Variants in KIFAP3 observed in about 807,000 individuals in gnomAD.
KIFAP3 encodes kinesin associated protein 3, also known as kinesin-associated protein 3.
A neutral mutation model predicts 106.5 loss-of-function variants in KIFAP3; 68 were observed. The observed-to-expected ratio is 0.64, with a 90% CI of 0.53 to 0.78. KIFAP3 has a LOEUF of 0.78. Ranked by LOEUF, KIFAP3 falls within the 30% of genes least tolerant of loss-of-function variation. KIFAP3 has a pLI of 0.00. For synonymous variants in KIFAP3, 320 were observed against 311.5 expected (o/e 1.03, Z -0.29); for missense variants, 780 against 941.8 (o/e 0.83, Z 2.25).
chr1:170,074,030 C>T (rs1478704681), intron 1 of KIFAP3, among the ~76,000 whole-genome samples: 5 of 152,092 alleles, frequency 3.3e-5, no homozygotes, highest in Admixed American at 3.3e-4. Context: ...GCAATGAACC[C>T]CAAACTGAGG....
chr1:170,057,024 C>A (rs937106947), intron 1 of KIFAP3, among the ~76,000 whole-genome samples: 3 of 152,012 alleles, frequency 2.0e-5, no homozygotes, highest in Non-Finnish European at 4.4e-5. Flanking sequence ...CTAAGGAAAG[C>A]TGAAAACAGA....
At chr1:170,043,296 C>G (rs900379810) in intron 3 of KIFAP3, among the ~76,000 whole-genome samples, 4 of 152,102 alleles carry the variant, frequency 2.6e-5, no homozygotes, top group African/African-American at 9.7e-5. Flanking sequence ...CCACTGCTCA[C>G]TATTAAACAA....
At chr1:169,964,425 TC>T (rs1320088776) in intron 17 of KIFAP3, among the ~76,000 whole-genome samples, 1 of 152,154 alleles carries the variant, frequency 6.6e-6, no homozygotes, top group African/African-American at 2.4e-5. Flanking sequence ...TGAACATTTG[TC>T]AGGGTTCCTG....
intron 19 of KIFAP3, among the ~76,000 whole-genome samples, chr1:169,947,565 A>G (rs1664505133): frequency 1.3e-5 from 2 of 152,032 alleles, no homozygotes; most frequent in East Asian, 3.9e-4. Flanking sequence ...ATATTTTTTT[A>G]ATATTATACT....
intron 1 of KIFAP3, among the ~76,000 whole-genome samples, chr1:170,070,229 CAA>C (rs1671638745): frequency 1.3e-5 from 2 of 152,156 alleles, no homozygotes; most frequent in South Asian, 4.1e-4. Context: ...CAATATTCCC[CAA>C]AGTGATCTAT....
intron 18 of KIFAP3, chr1:169,957,967 T>C (rs1332460463): frequency 6.6e-6 from 1 of 152,156 alleles, no homozygotes; most frequent in Non-Finnish European, 1.5e-5. Flanking sequence ...CTATTAATAA[T>C]TGGCCCAGGT....
At chr1:170,027,499 G>C (rs944899841) in intron 8 of KIFAP3, among the ~76,000 whole-genome samples, 3 of 152,100 alleles carry the variant, frequency 2.0e-5, no homozygotes, top group Non-Finnish European at 4.4e-5. Flanking sequence ...GTAGAGACAA[G>C]GGAGATATAA....
chr1:169,937,754 C>T (rs932323851), intron 19 of KIFAP3, among the ~76,000 whole-genome samples: 1 of 151,766 alleles, frequency 6.6e-6, no homozygotes, highest in African/African-American at 2.4e-5. Context: ...TAAAGTTACA[C>T]CATCCTCTAA....
intron 10 of KIFAP3, among the ~76,000 whole-genome samples, chr1:170,016,136 G>A (rs751698760): frequency 2.6e-5 from 4 of 151,836 alleles, no homozygotes; most frequent in Admixed American, 6.6e-5. Context: ...CGATACCTGC[G>A]TTGTTTTTTT....
At chr1:169,972,424 C>T in intron 17 of KIFAP3, 89 bp downstream of exon 17, 1 of 687,830 alleles carries the variant, frequency 1.5e-6, no homozygotes, top group Non-Finnish European at 2.6e-6. Flanking sequence ...TGGGTTTACA[C>T]TGAATGCATT....
chr1:170,053,195 C>A (rs941247673), intron 2 of KIFAP3, among the ~76,000 whole-genome samples: 1 of 152,056 alleles, frequency 6.6e-6, no homozygotes, highest in African/African-American at 2.4e-5. Context: ...TCCTATACAC[C>A]AACAACAGAT....
At chr1:169,957,476 C>G (rs1000565996) in intron 18 of KIFAP3, among the ~76,000 whole-genome samples, 1 of 152,092 alleles carries the variant, frequency 6.6e-6, no homozygotes, top group Non-Finnish European at 1.5e-5. Flanking sequence ...GTTGTCAACA[C>G]AGGTAATTTA....
intron 19 of KIFAP3, among the ~76,000 whole-genome samples, chr1:169,935,010 T>A (rs1258802298): frequency 2.0e-5 from 3 of 152,116 alleles, no homozygotes; most frequent in Non-Finnish European, 2.9e-5. Flanking sequence ...AAAACATTTT[T>A]AAAAATACTT....
chr1:170,029,585 AAACAAC>A lies in KIFAP3; in HGVS notation c.841+2295_841+2300del, dbSNP rs151182859. ...GAGTAAATGACCTCAGCTTCCACTT[AAACAAC>A]AACAACAACAACAACAACAACAAAA... is the stretch of plus-strand genomic sequence containing the variant. On this transcript the variant is annotated intron_variant, in intron 8 of 19. Transcript: ENST00000361580. 1.6e-4 allele frequency among the ~76,000 whole-genome samples: 25 copies of A among 151,546 alleles called. 1 individual carries two copies. The highest frequency in any genetic ancestry group is 4.1e-4 in the African/African-American group (17 of 41,416).
chr1:170,074,363 T>A, intron 1 of KIFAP3, 73 bp downstream of exon 1: 1 of 1,531,718 alleles, frequency 6.5e-7, no homozygotes, highest in Non-Finnish European at 9.0e-7. Flanking sequence ...CCCAGTGACA[T>A]CTCACAGCCA....
intron 19 of KIFAP3, among the ~76,000 whole-genome samples, 188 bp downstream of exon 19, chr1:169,953,823 C>G (rs1664864523): frequency 6.6e-6 from 1 of 152,130 alleles, no homozygotes; most frequent in African/African-American, 2.4e-5. Flanking sequence ...CTTGTGATCT[C>G]CATTTTTTAA....
chr1:169,977,012 A>C (rs114333672), intron 16 of KIFAP3, among the ~76,000 whole-genome samples: 1,920 of 152,266 alleles, frequency 0.013, 35 homozygotes, highest in African/African-American at 0.044. Flanking sequence ...GGCATGAGCC[A>C]CTGTGCCTGG....
At chr1:169,968,276 C>T (rs1665730811) in intron 17 of KIFAP3, among the ~76,000 whole-genome samples, 1 of 151,786 alleles carries the variant, frequency 6.6e-6, no homozygotes, top group African/African-American at 2.4e-5. Context: ...TAGTTAACCA[C>T]CGAAACATTA....
intron 19 of KIFAP3, among the ~76,000 whole-genome samples, chr1:169,941,267 A>G (rs1020976715): frequency 2.0e-5 from 3 of 152,084 alleles, no homozygotes; most frequent in African/African-American, 7.2e-5. Flanking sequence ...TGAGTGCTGC[A>G]CCTCTTTCCT....
Sources: gnomAD v4.1 joint callset for allele counts (sites outside exome capture counted in the v4.1 genomes callset) on GRCh38, gnomAD v4.1.1 for gene constraint, MANE v1.5 for transcripts, NCBI Gene and HGNC (gene_info 2026-07-23, HGNC 2026-07-21) for gene names.